The following SSH1 variants were observed in gnomAD, a reference collection of about 807,000 sequenced individuals.
SSH1 encodes protein phosphatase Slingshot homolog 1.
SSH1 carries 43 observed loss-of-function variants against 79.7 expected under a neutral mutation model. The ratio of observed to expected loss-of-function variants is 0.54; its 90% CI spans 0.42 to 0.70. SSH1 has a LOEUF of 0.70. Ranked by LOEUF, SSH1 falls within the 30% of genes least tolerant of loss-of-function variation. The pLI is 0.00. For synonymous variants in SSH1, 599 were observed against 538.3 expected (o/e 1.11, Z -1.56); for missense variants, 1,206 against 1,358.8 (o/e 0.89, Z 1.77).
In SSH1 at chr12:108,807,978, C is replaced by T. The variant is rs1309526058; in HGVS notation, c.537-151G>A. The T allele has an allele frequency of 8.0e-6, 6 of 752,858 alleles. No individual in the cohort carries two copies. In the East Asian group the frequency reaches 1.6e-4, roughly 20 times the overall value. 46.6% of individuals were successfully genotyped at this position (752,858 alleles called of 1,614,324 possible). A position where few individuals can be genotyped will look rare whatever the true frequency, so the allele number is the denominator to read the frequency against. ...TGGGACAGAGTCTCGCTCTGTCACT[C>T]CCAGGCTAGAGTGCAGTGGCACGTT... is the stretch of plus-strand genomic sequence containing the variant. On this transcript the variant is annotated intron_variant, in intron 7 of 14. Coordinates refer to ENST00000326495, the MANE Select transcript of SSH1 (RefSeq NM_018984.4). This position sits in a 1 kb window ranked among gnomAD's most constrained non-coding sequence, Gnocchi z 5.2.
chr12:108,803,563 T>C lies in SSH1; in HGVS notation c.955-1195A>G, dbSNP rs571207079. The stretch of plus-strand genomic sequence containing the variant: ...ATGTGCGACACTAGCTGAATTTTCA[T>C]ATTTGAGGGAGAGGCCCAAACATAA... On this transcript the variant is annotated intron_variant, in intron 10 of 14. Coordinates refer to ENST00000326495, the MANE Select transcript of SSH1 (RefSeq NM_018984.4). 1.8e-4 allele frequency among the ~76,000 whole-genome samples: 28 copies of C among 152,304 alleles called. No individual in the cohort carries two copies. The South Asian group carries it at 5.6e-3, about 30-fold the overall frequency.
intron 2 of SSH1, among the ~76,000 whole-genome samples, chr12:108,840,280 C>T (rs2038744933): frequency 6.6e-6 from 1 of 152,046 alleles, no homozygotes; most frequent in South Asian, 2.1e-4. Context: ...GCCTGTAATC[C>T]CAGCACTTTG....
rs2036212567 is a variant in SSH1, at chr12:108,784,338, T to C, written c.*3650A>G. 1 of 152,354 alleles carries C rather than the reference T, an allele frequency of 6.6e-6. No individual in the cohort carries two copies. The highest frequency in any genetic ancestry group is 1.5e-5 in the Non-Finnish European group (1 of 68,162). The allele number at this position is 152,354 out of a possible 1,614,324, so 9.4% of individuals were successfully genotyped here. A position where few individuals can be genotyped will look rare whatever the true frequency, so the allele number is the denominator to read the frequency against. On this transcript the variant is annotated 3_prime_UTR_variant, in exon 15 of 15. Coordinates refer to ENST00000326495, the MANE Select transcript of SSH1 (RefSeq NM_018984.4). ...GGCTTTAGATTACTGGAATGCTCTT[T>C]AGCTGAAGAGGACAGGGTGGAGCAG...
chr12:108,827,346 C>T (rs763795789), intron 2 of SSH1: 22 of 1,549,570 alleles, frequency 1.4e-5, no homozygotes, highest in South Asian at 1.2e-4. Flanking sequence ...AAAAGAGGTT[C>T]GTGGCTGCAG....
rs201496495 is a variant in SSH1 at position 108,826,205 on chromosome 12, GA to G, written c.111-2845del. ...CTTGGTTTCCCTTATATTTCCTTTG[GA>G]AAAAAAAAGGAACAATGCAACAGAC... On this transcript the variant is annotated intron_variant, in intron 2 of 14. Coordinates refer to ENST00000326495, the MANE Select transcript of SSH1 (RefSeq NM_018984.4). The G allele has an allele frequency of 3.8e-3, 1,640 of 427,954 alleles. 29 individuals carry two copies. Among genetic ancestry groups the G allele is most frequent in the African/African-American group, 0.032 (1,531 of 47,664 alleles). The allele number at this position is 427,954 out of a possible 1,614,324, so 26.5% of individuals were successfully genotyped here.
At position 108,838,547 on chromosome 12, in the gene SSH1, C is replaced by T. The variant is rs141464085; in HGVS notation, c.110+14091G>A. 7.0e-3 allele frequency among the ~76,000 whole-genome samples: 1,073 copies of T among 152,352 alleles called. 7 individuals carry two copies. Among genetic ancestry groups the T allele is most frequent in the Non-Finnish European group, 0.011 (715 of 68,028 alleles). ...AAGGGCACGCGAAGCCAGGATACCG[C>T]AGCCCTGCAGGATGTGACTCAGCAT... On this transcript the variant is annotated intron_variant, in intron 2 of 14. Coordinates refer to ENST00000326495, the MANE Select transcript of SSH1 (RefSeq NM_018984.4).
chr12:108,786,790 T>C lies in SSH1; in HGVS notation c.*1198A>G, dbSNP rs1410953648. The C allele has an allele frequency of 1.3e-5, 2 of 152,254 alleles. No individual in the cohort carries two copies. The highest frequency in any genetic ancestry group is 4.8e-5 in the African/African-American group (2 of 41,458). 9.4% of individuals were successfully genotyped at this position (152,254 alleles called of 1,614,324 possible). A position where few individuals can be genotyped will look rare whatever the true frequency, so the allele number is the denominator to read the frequency against. ...CAAGCTGCCTCTCTCTCGAAATGTT[T>C]TGACATCTAGCTTGCTGACACCTTT... is the stretch of plus-strand genomic sequence containing the variant. On this transcript the variant is annotated 3_prime_UTR_variant, in exon 15 of 15. Coordinates refer to ENST00000326495, the MANE Select transcript of SSH1 (RefSeq NM_018984.4).
intron 2 of SSH1, among the ~76,000 whole-genome samples, chr12:108,846,548 G>A (rs1203112691): frequency 6.6e-6 from 1 of 152,224 alleles, no homozygotes; most frequent in Non-Finnish European, 1.5e-5. Flanking sequence ...GGGAGAGCGA[G>A]GGAAATGGAT....
intron 2 of SSH1, among the ~76,000 whole-genome samples, chr12:108,826,607 A>C (rs1323095859): frequency 6.6e-6 from 1 of 152,106 alleles, no homozygotes; most frequent in Non-Finnish European, 1.5e-5. Flanking sequence ...AGATGCAGAA[A>C]GTCTCTGTGA....
intron 7 of SSH1, among the ~76,000 whole-genome samples, chr12:108,808,821 CTTTTTTTTT>C (rs148110288): frequency 1.0e-4 from 8 of 80,276 alleles, no homozygotes; most frequent in South Asian, 5.8e-4. Context: ...TCTTTTACTT[CTTTTTTTTT>C]TTTTTTTTTT....
At chr12:108,823,155 A>G in intron 3 of SSH1, 103 bp downstream of exon 3, 1 of 1,124,596 alleles carries the variant, frequency 8.9e-7, no homozygotes, top group Non-Finnish European at 1.3e-6. Context: ...TGCGTCCACT[A>G]TGTCTAAGGC....
chr12:108,793,847 A>G (rs1050789145), intron 13 of SSH1, among the ~76,000 whole-genome samples: 2 of 152,266 alleles, frequency 1.3e-5, no homozygotes, highest in African/African-American at 4.8e-5. Flanking sequence ...ACAGTGTGAC[A>G]GAGCCATTCA....
In SSH1 at chr12:108,788,254, G is replaced by A. The variant is rs776108914; in HGVS notation, c.2884C>T (p.Leu962Phe). The A allele has an allele frequency of 6.2e-7, 1 of 1,613,820 alleles. No homozygotes were observed. The highest frequency in any genetic ancestry group is 1.1e-5 in the South Asian group (1 of 91,080). ...KQRTQEIETRLRLAGLTVSSP... is the reference protein window; with the variant it reads ...KQRTQEIETRFRLAGLTVSSP... ...GAGACGGTGAGGCCCGCCAGCCGGA[G>A]CCGGGTCTCAATCTCCTGTGTCCGC... Residue 962 changes from leucine to phenylalanine, a missense_variant, in exon 15 of 15, where the codon CTC becomes TTC. This residue lies in a region of SSH1 where 709 missense variants were observed against 730.6 expected (regional missense o/e 0.97). Coordinates refer to ENST00000326495, the MANE Select transcript of SSH1 (RefSeq NM_018984.4).
Position 108,857,450 on chromosome 12 carries a change from G to T in SSH1, c.47C>A (p.Ser16Tyr). ...CACCTCGCTGTTGCTGGCCGAGGAGGAGGCGGCGCTGGGCGTGGGCGAGCG... is the reference window on the plus strand; with the variant it reads ...CACCTCGCTGTTGCTGGCCGAGGAGTAGGCGGCGCTGGGCGTGGGCGAGCG... ...LQRSPTPSAA[S>Y]SSASNSELEA... The change falls in exon 1 of 15, where the codon TCC becomes TAC. Residue 16 changes from serine to tyrosine, a missense_variant. Physicochemically the swap from Ser to Tyr is moderately radical, Grantham distance 144. Transcript: ENST00000326495. This position sits in a 1 kb window ranked among gnomAD's most constrained non-coding sequence, Gnocchi z 4.7. The T allele has an allele frequency of 9.0e-7, 1 of 1,116,052 alleles. No homozygotes were observed. The allele number at this position is 1,116,052 out of a possible 1,614,324, so 69.1% of individuals were successfully genotyped here.
In SSH1 at chr12:108,805,130, A is replaced by G. The variant is rs1274939886; in HGVS notation, c.880T>C (p.Phe294Leu). The G allele has an allele frequency of 6.2e-7, 1 of 1,613,876 alleles. No homozygotes were observed. Among genetic ancestry groups the G allele is most frequent in the East Asian group, 2.2e-5 (1 of 44,886 alleles). The change falls in exon 10 of 15, where the codon TTT becomes CTT. Residue 294 changes from phenylalanine (F) to leucine (L), a missense_variant. Phe to Leu is a conservative substitution (Grantham distance 22, BLOSUM62 0). Around this residue, in one of 5 missense-constraint regions of SSH1, gnomAD observed 166 missense variants for 262.9 expected, o/e 0.63. Coordinates refer to ENST00000326495, the MANE Select transcript of SSH1 (RefSeq NM_018984.4). ...MNCNLKELKEFIDNEMLLILG... is the reference protein window; with the variant it reads ...MNCNLKELKELIDNEMLLILG... ...ATAAGTAGCATCTCATTGTCTATAA[A>G]TTCCTTGAGTTCCTTCAAGTTACAA...
rs1290567863 is a variant in SSH1, at chr12:108,802,302, G to C, written c.1001+20C>G. On this transcript the variant is annotated intron_variant, in intron 11 of 14. Transcript: ENST00000326495. Reference sequence around the variant, plus strand: ...TAAGCTGCCTGGAAGGACAGGGAAAGACAAGGGGAGGAGACTCACCCTGAG... The same window carrying C: ...TAAGCTGCCTGGAAGGACAGGGAAACACAAGGGGAGGAGACTCACCCTGAG... 1 of 1,612,888 alleles carries C rather than the reference G, an allele frequency of 6.2e-7. No individual in the cohort carries two copies. The highest frequency in any genetic ancestry group is 8.5e-7 in the Non-Finnish European group (1 of 1,178,952).
chr12:108,850,703 G>C (rs911970543), intron 2 of SSH1, among the ~76,000 whole-genome samples: 1 of 105,588 alleles, frequency 9.5e-6, no homozygotes, highest in African/African-American at 3.8e-5. Flanking sequence ...GGATTTGGGG[G>C]AGGGAAGCTT....
chr12:108,842,797 T>C (rs936513958), intron 2 of SSH1, among the ~76,000 whole-genome samples: 3 of 152,196 alleles, frequency 2.0e-5, no homozygotes, highest in Non-Finnish European at 2.9e-5. Context: ...ACATGGAGTA[T>C]GAGGGTCTCA....
At chr12:108,816,308 T>A (rs1181823504) in intron 5 of SSH1, among the ~76,000 whole-genome samples, 1 of 152,236 alleles carries the variant, frequency 6.6e-6, no homozygotes, top group Non-Finnish European at 1.5e-5. Context: ...CATTGCCTCA[T>A]ACACAGGAGA....
Sources: gnomAD v4.1 joint callset for allele counts (sites outside exome capture counted in the v4.1 genomes callset) on GRCh38, gnomAD v4.1.1 for gene constraint, gnomAD v4.1.1 regional missense constraint, Gnocchi (gnomAD v3.1) non-coding constraint, MANE v1.5 for transcripts, NCBI Gene and HGNC (gene_info 2026-07-23, HGNC 2026-07-21) for gene names.